The following LRP1B variants were observed in gnomAD, a reference collection of about 807,000 sequenced individuals.
LRP1B encodes LDL receptor related protein 1B, also known as low-density lipoprotein receptor-related protein 1B.
LRP1B carries 217 observed loss-of-function variants against 556.6 expected under a neutral mutation model. The ratio of observed to expected loss-of-function variants is 0.39; its 90% CI spans 0.35 to 0.44. The LOEUF (loss-of-function observed/expected upper bound fraction) is 0.44, where lower values mean the gene tolerates loss of function less well. LRP1B is among the 20% of genes least tolerant of loss of function. LRP1B has a pLI of 1.00. For synonymous variants in LRP1B, 2,047 were observed against 1,865.8 expected (o/e 1.10, Z -2.50); for missense variants, 5,053 against 5,620.8 (o/e 0.90, Z 3.23).
intron 41 of LRP1B, among the ~76,000 whole-genome samples, chr2:140,637,420 G>T (rs1310327150): frequency 6.6e-6 from 1 of 152,080 alleles, no homozygotes; most frequent in East Asian, 1.9e-4. Context: ...ACATAATTTT[G>T]ATTCTTCTTT....
At chr2:140,821,271 A>G (rs1291603141) in intron 31 of LRP1B, among the ~76,000 whole-genome samples, 2 of 152,144 alleles carry the variant, frequency 1.3e-5, no homozygotes, top group Non-Finnish European at 2.9e-5. Flanking sequence ...ATTTAATAAC[A>G]TTTGAATTAA....
chr2:140,651,527 A>AAATT (rs1684686381), intron 41 of LRP1B, among the ~76,000 whole-genome samples: 1 of 21,316 alleles, frequency 4.7e-5, no homozygotes, highest in Admixed American at 5.0e-4. Context: ...TACAAAAATT[A>AAATT]AAAAAAAAAA....
At chr2:141,136,991 T>C (rs1254297055) in intron 7 of LRP1B, among the ~76,000 whole-genome samples, 1 of 151,860 alleles carries the variant, frequency 6.6e-6, no homozygotes, top group Non-Finnish European at 1.5e-5. Flanking sequence ...ATCCATACAC[T>C]GTCAAAATAA....
At chr2:140,856,578 A>G (rs933846933) in intron 27 of LRP1B, among the ~76,000 whole-genome samples, 3 of 152,176 alleles carry the variant, frequency 2.0e-5, no homozygotes, top group East Asian at 1.9e-4. Flanking sequence ...CTCTGCTACT[A>G]TAACACAAAA....
intron 66 of LRP1B, among the ~76,000 whole-genome samples, chr2:140,440,782 AC>A (rs1163447147): frequency 8.5e-6 from 1 of 117,536 alleles, no homozygotes; most frequent in Non-Finnish European, 1.9e-5. Context: ...TCTGGAACTT[AC>A]AGCAATACTA....
intron 82 of LRP1B, among the ~76,000 whole-genome samples, chr2:140,317,825 C>CTATAACGTGCCTCATTAGG (rs1470751674): frequency 6.6e-6 from 1 of 152,058 alleles, no homozygotes; most frequent in Non-Finnish European, 1.5e-5. Flanking sequence ...ATGCGCGTTA[C>CTATAACGTGCCTCATTAGG]TATAACGTGC....
At chr2:140,710,481 A>G (rs186568779) in intron 37 of LRP1B, among the ~76,000 whole-genome samples, 2 of 152,024 alleles carry the variant, frequency 1.3e-5, no homozygotes, top group Non-Finnish European at 1.5e-5. Context: ...TTTTATTACT[A>G]TTTTGCATAT....
At chr2:141,493,181 G>A (rs762602266) in intron 2 of LRP1B, among the ~76,000 whole-genome samples, 2 of 152,058 alleles carry the variant, frequency 1.3e-5, no homozygotes, top group African/African-American at 2.4e-5. Context: ...GAGTTGTAAC[G>A]CTATTATTTG....
chr2:140,969,881 G>A (rs1037487101), intron 18 of LRP1B, among the ~76,000 whole-genome samples: 3 of 152,242 alleles, frequency 2.0e-5, no homozygotes, highest in East Asian at 1.9e-4. Flanking sequence ...AGTTTCTGCC[G>A]AGAGATCAGC....
intron 75 of LRP1B, among the ~76,000 whole-genome samples, chr2:140,353,401 G>A (rs1022478695): frequency 5.9e-5 from 9 of 151,922 alleles, no homozygotes; most frequent in Non-Finnish European, 1.2e-4. Context: ...ATGGATACAA[G>A]TGCAGGTTTG....
chr2:141,676,788 T>C (rs1690899088), intron 2 of LRP1B, among the ~76,000 whole-genome samples: 1 of 152,140 alleles, frequency 6.6e-6, no homozygotes, highest in African/African-American at 2.4e-5. Flanking sequence ...CAATTTTGTA[T>C]TTCTCTTTAA....
intron 18 of LRP1B, among the ~76,000 whole-genome samples, chr2:140,961,215 A>G (rs952620526): frequency 6.6e-6 from 1 of 152,030 alleles, no homozygotes; most frequent in African/African-American, 2.4e-5. Flanking sequence ...AGTAACAACA[A>G]AATTAATAGG....
intron 41 of LRP1B, among the ~76,000 whole-genome samples, chr2:140,639,698 G>A (rs545275975): frequency 2.0e-5 from 3 of 152,112 alleles, no homozygotes; most frequent in East Asian, 1.9e-4. Context: ...CTAAAACAAC[G>A]TGAAATTATT....
intron 77 of LRP1B, among the ~76,000 whole-genome samples, chr2:140,350,067 C>A (rs1395077220): frequency 6.6e-6 from 1 of 152,036 alleles, no homozygotes; most frequent in Non-Finnish European, 1.5e-5. Flanking sequence ...CACCACTTGA[C>A]TTTTTGGTTG....
At chr2:141,492,091 A>AAAAAAAAAAAAAAACC (rs67960557) in intron 2 of LRP1B, among the ~76,000 whole-genome samples, 2 of 100,194 alleles carry the variant, frequency 2.0e-5, no homozygotes, top group African/African-American at 3.9e-5. Flanking sequence ...AAAAAAAAAA[A>AAAAAAAAAAAAAAACC]CACTAAGAAA....
At chr2:141,353,460 C>T (rs1573846733) in intron 3 of LRP1B, among the ~76,000 whole-genome samples, 1 of 151,952 alleles carries the variant, frequency 6.6e-6, no homozygotes, top group African/African-American at 2.4e-5. Flanking sequence ...TATCCCCAAA[C>T]TCCATATTTC....
intron 41 of LRP1B, among the ~76,000 whole-genome samples, chr2:140,657,223 G>A (rs1684910219): frequency 6.6e-6 from 1 of 151,872 alleles, no homozygotes; most frequent in South Asian, 2.1e-4. Flanking sequence ...CTATTTGATT[G>A]CTTTATTTCA....
intron 2 of LRP1B, among the ~76,000 whole-genome samples, chr2:141,770,758 G>A (rs1021414485): frequency 6.6e-6 from 1 of 152,222 alleles, no homozygotes; most frequent in Non-Finnish European, 1.5e-5. Flanking sequence ...AGAGTTAGAA[G>A]AGGTCGGTGA....
chr2:140,947,437 G>A (rs1573910245), intron 20 of LRP1B, among the ~76,000 whole-genome samples: 1 of 152,300 alleles, frequency 6.6e-6, no homozygotes, highest in East Asian at 1.9e-4. Flanking sequence ...GATTTGATCA[G>A]TTTTGACAGC....
Sources: gnomAD v4.1 joint callset for allele counts (sites outside exome capture counted in the v4.1 genomes callset) on GRCh38, gnomAD v4.1.1 for gene constraint, MANE v1.5 for transcripts, NCBI Gene and HGNC (gene_info 2026-07-23, HGNC 2026-07-21) for gene names.